UPK3BL2: variants seen among roughly 807,000 people sequenced by gnomAD.
UPK3BL2 encodes uroplakin-3b-like protein 2.
A neutral mutation model predicts 11.3 loss-of-function variants in UPK3BL2; 1 was observed. That is an observed-to-expected ratio of 0.09 (90% confidence interval 0.03 to 0.42). The LOEUF is 0.42. Among genes scored for constraint, UPK3BL2 ranks in the 10% least tolerant of loss-of-function variants. UPK3BL2 has a pLI of 0.98.
At chr7:102,543,019 A>G in intron 1 of UPK3BL2, among the ~76,000 whole-genome samples, 2 of 151,018 alleles carry the variant, frequency 1.3e-5, no homozygotes, top group East Asian at 3.9e-4. Context: ...AAAAAAAGAA[A>G]GAAAGAAAAA....
At chr7:102,543,093 G>T (rs1464909439) in intron 1 of UPK3BL2, among the ~76,000 whole-genome samples, 2 of 149,812 alleles carry the variant, frequency 1.3e-5, no homozygotes, top group Admixed American at 6.6e-5. Flanking sequence ...GGCAGAGATT[G>T]TAGGACTGTA....
chr7:102,540,869 A>AAAAAAAAAAAAAAAAAAAAAAC (rs1800233557), intron 3 of UPK3BL2, among the ~76,000 whole-genome samples: 1 of 131,494 alleles, frequency 7.6e-6, no homozygotes, highest in East Asian at 2.1e-4. Flanking sequence ...AAAAAAAAAA[A>AAAAAAAAAAAAAAAAAAAAAAC]AAAAAAAGAA....
At chr7:102,542,003 G>A in intron 1 of UPK3BL2, 1 of 969,724 alleles carries the variant, frequency 1.0e-6, no homozygotes, top group Admixed American at 6.2e-5. Flanking sequence ...GAATTTGGGG[G>A]CAGCCTGACC....
chr7:102,540,855 C>CAAAAAAAAACAA (rs1800227070), intron 3 of UPK3BL2, among the ~76,000 whole-genome samples: 2 of 61,266 alleles, frequency 3.3e-5, no homozygotes, highest in African/African-American at 9.6e-5. Context: ...AAAAACAAAA[C>CAAAAAAAAACAA]AAAAAAAAAA....
At chr7:102,538,286 A>G (rs1800150412), downstream of UPK3BL2, 1 of 416,024 alleles carries the variant, frequency 2.4e-6, no homozygotes, top group Non-Finnish European at 4.2e-6. Flanking sequence ...TCTCAAAAAA[A>G]AAAAAAAAAA....
At chr7:102,540,861 A>AAAAAAAAAAAAAAAAAAG (rs1800230924) in intron 3 of UPK3BL2, among the ~76,000 whole-genome samples, 1 of 125,212 alleles carries the variant, frequency 8.0e-6, no homozygotes, top group Non-Finnish European at 1.7e-5. Context: ...AAAACAAAAA[A>AAAAAAAAAAAAAAAAAAG]AAAAAAAAAA....
At chr7:102,538,430 T>A (rs1800153102) in exon 6 of UPK3BL2, 2 of 129,474 alleles carry the variant, frequency 1.5e-5, no homozygotes, top group Admixed American at 3.6e-4. Flanking sequence ...GGAAGCCCCC[T>A]CGGCAGGAGT....
chr7:102,540,867 A>C (rs1477822626), intron 3 of UPK3BL2, among the ~76,000 whole-genome samples: 123 of 132,028 alleles, frequency 9.3e-4, no homozygotes, highest in African/African-American at 3.0e-3. Flanking sequence ...AAAAAAAAAA[A>C]AAAAAAAAAG....
intron 1 of UPK3BL2, among the ~76,000 whole-genome samples, chr7:102,542,998 G>GAAA (rs536228128): frequency 1.2e-4 from 14 of 116,252 alleles, no homozygotes; most frequent in East Asian, 2.4e-4. Flanking sequence ...ACTCTGTCTC[G>GAAA]AAAAAAAAAA....
At chr7:102,542,134 G>A (rs1800299472) in intron 1 of UPK3BL2, 1 of 981,632 alleles carries the variant, frequency 1.0e-6, no homozygotes, top group South Asian at 4.7e-5. Context: ...AGGGGTCGGG[G>A]GGATGGCACA....
intron 3 of UPK3BL2, among the ~76,000 whole-genome samples, chr7:102,540,665 G>A (rs1198809158): frequency 2.4e-5 from 3 of 123,968 alleles, no homozygotes; most frequent in African/African-American, 5.5e-5. Context: ...CCAACATGGC[G>A]AAACCCTGTC....
intron 1 of UPK3BL2, among the ~76,000 whole-genome samples, chr7:102,543,041 A>G (rs1800339469): frequency 1.3e-5 from 2 of 151,814 alleles, no homozygotes; most frequent in African/African-American, 2.4e-5. Flanking sequence ...AAGAAAAAGA[A>G]AAAGAAAAAG....
intron 3 of UPK3BL2, among the ~76,000 whole-genome samples, chr7:102,540,855 C>CAAAACAAAAAAAAAAAAAAAAAAAAA (rs1479651896): frequency 6.5e-5 from 4 of 61,282 alleles, no homozygotes; most frequent in Non-Finnish European, 1.1e-4. Flanking sequence ...AAAAACAAAA[C>CAAAACAAAAAAAAAAAAAAAAAAAAA]AAAAAAAAAA....
At position 102,540,080 on chromosome 7, in the gene UPK3BL2, AG is replaced by A. The variant is rs1800187799; in HGVS notation, c.496del (p.Leu166TrpfsTer2). 8.2e-7 allele frequency: 1 copy of A among 1,224,556 alleles called. No homozygotes were observed. The highest frequency in any genetic ancestry group is 1.4e-5 in the South Asian group (1 of 70,590). 75.9% of individuals were successfully genotyped at this position (1,224,556 alleles called of 1,614,324 possible). On this transcript the variant is annotated frameshift_variant, in exon 4 of 6. Transcript: ENST00000644544. LOFTEE classifies it high-confidence loss of function. ...CACGGGTCCTTCGTCATTCATCACC[AG>A]GAACTTCACCCTGAATGGGAGACCC...
At chr7:102,540,845 A>AAAAACAAAACAAAAC (rs1300721518) in intron 3 of UPK3BL2, among the ~76,000 whole-genome samples, 4 of 127,418 alleles carry the variant, frequency 3.1e-5, no homozygotes, top group South Asian at 5.6e-4. Context: ...CTCCATCTCA[A>AAAAACAAAACAAAAC]AAAACAAAAC....
intron 3 of UPK3BL2, among the ~76,000 whole-genome samples, 192 bp downstream of exon 3, chr7:102,540,879 AGAAAAGGAAAAAAAAAAAAAAG>A (rs1800238818): frequency 8.8e-6 from 1 of 113,104 alleles, no homozygotes; most frequent in Non-Finnish European, 1.9e-5. Flanking sequence ...AAAAAAAAGA[AGAAAAGGAAAAAAAAAAAAAAG>A]AGAAGAAGGA....
intron 3 of UPK3BL2, among the ~76,000 whole-genome samples, chr7:102,540,850 C>CA (rs1800223967): frequency 1.5e-4 from 9 of 60,656 alleles, no homozygotes; most frequent in African/African-American, 3.7e-4. Context: ...TCTCAAAAAA[C>CA]AAAACAAAAA....
intron 3 of UPK3BL2, among the ~76,000 whole-genome samples, chr7:102,540,845 AAAAACAAAAC>A (rs1300721518): frequency 3.9e-5 from 5 of 127,414 alleles, no homozygotes; most frequent in South Asian, 5.6e-4. Flanking sequence ...CTCCATCTCA[AAAAACAAAAC>A]AAAAAAAAAA....
chr7:102,542,998 G>GAAAAA (rs536228128), intron 1 of UPK3BL2, among the ~76,000 whole-genome samples: 2 of 116,550 alleles, frequency 1.7e-5, no homozygotes, highest in African/African-American at 3.1e-5. Context: ...ACTCTGTCTC[G>GAAAAA]AAAAAAAAAA....
Sources: allele counts gnomAD v4.1 joint callset (sites outside exome capture counted in the v4.1 genomes callset), GRCh38; gene constraint gnomAD v4.1.1; transcripts MANE v1.5; gene names NCBI Gene and HGNC (gene_info 2026-07-23, HGNC 2026-07-21).